The following DLGAP1 variants were observed in gnomAD, a reference collection of about 807,000 sequenced individuals.
DLGAP1 encodes disks large-associated protein 1.
In DLGAP1, 11 loss-of-function variants were observed where a neutral mutation model predicts 90.8. The ratio of observed to expected loss-of-function variants is 0.12; its 90% confidence interval spans 0.08 to 0.20. The LOEUF (loss-of-function observed/expected upper bound fraction) is 0.20. Ranked by LOEUF, DLGAP1 falls within the 10% of genes least tolerant of loss-of-function variation. DLGAP1 has a pLI of 1.00. For synonymous variants in DLGAP1, 558 were observed against 540.7 expected (o/e 1.03, Z -0.44); for missense variants, 1,050 against 1,333.8 (o/e 0.79, Z 3.31).
intron 1 of DLGAP1, among the ~76,000 whole-genome samples, chr18:4,365,910 A>T (rs991092216): frequency 2.0e-5 from 3 of 152,138 alleles, no homozygotes; most frequent in Non-Finnish European, 1.5e-5. Context: ...ATAGCTTGGC[A>T]ATTACTCATA....
intron 7 of DLGAP1, among the ~76,000 whole-genome samples, chr18:3,617,098 A>G (rs939249757): frequency 2.6e-5 from 4 of 152,284 alleles, no homozygotes; most frequent in African/African-American, 9.6e-5. Context: ...CTGAGCCAGA[A>G]CTACCCCGCC....
intron 3 of DLGAP1, among the ~76,000 whole-genome samples, chr18:3,923,615 T>C (rs922146431): frequency 2.0e-5 from 3 of 152,202 alleles, no homozygotes; most frequent in Non-Finnish European, 4.4e-5. Flanking sequence ...ATAAAAGTTT[T>C]CCCAACTTTG....
chr18:4,089,134 C>G (rs2075730461), intron 2 of DLGAP1, among the ~76,000 whole-genome samples: 1 of 151,090 alleles, frequency 6.6e-6, no homozygotes, highest in Non-Finnish European at 1.5e-5. Context: ...GTGCAAAAAT[C>G]TCAAGCATTC....
At chr18:4,368,358 T>G (rs963542762) in intron 1 of DLGAP1, among the ~76,000 whole-genome samples, 5 of 152,134 alleles carry the variant, frequency 3.3e-5, no homozygotes, top group African/African-American at 1.2e-4. Flanking sequence ...TCTGTGAAGG[T>G]AGGCTTTTTT....
At chr18:4,286,771 A>C (rs139119699) in intron 1 of DLGAP1, among the ~76,000 whole-genome samples, 1 of 152,310 alleles carries the variant, frequency 6.6e-6, no homozygotes, top group East Asian at 1.9e-4. Context: ...ACAGAAAATA[A>C]GCAAGACAAA....
chr18:4,298,472 A>G (rs2080038593), intron 1 of DLGAP1, among the ~76,000 whole-genome samples: 1 of 152,204 alleles, frequency 6.6e-6, no homozygotes, highest in African/African-American at 2.4e-5. Context: ...TGTCCTTTGT[A>G]GGGACATGGA....
intron 7 of DLGAP1, among the ~76,000 whole-genome samples, chr18:3,639,206 G>A (rs1785369): frequency 0.33 from 50,341 of 151,526 alleles, 11,107 homozygotes; most frequent in African/African-American, 0.63. Flanking sequence ...AAATACAAAA[G>A]TTAGCCAGGC....
chr18:3,690,097 T>TTA (rs2060840806), intron 7 of DLGAP1, among the ~76,000 whole-genome samples: 1 of 101,688 alleles, frequency 9.8e-6, no homozygotes, highest in Non-Finnish European at 2.0e-5. Flanking sequence ...GGGTGAGGTT[T>TTA]TTTTTTTTTT....
chr18:4,264,619 G>A (rs759831571), intron 1 of DLGAP1: 2 of 152,226 alleles, frequency 1.3e-5, no homozygotes, highest in African/African-American at 2.4e-5. Flanking sequence ...ATCCCGACAG[G>A]ACTTGTTACT....
chr18:3,914,918 G>A (rs1899427), intron 3 of DLGAP1, among the ~76,000 whole-genome samples: 84,848 of 151,850 alleles, frequency 0.56, 23,844 homozygotes, highest in African/African-American at 0.6. Context: ...TAATTTTTGT[G>A]TTTTTGTAGA....
At chr18:4,189,107 A>T (rs2144718280) in intron 1 of DLGAP1, among the ~76,000 whole-genome samples, 1 of 152,292 alleles carries the variant, frequency 6.6e-6, no homozygotes, top group East Asian at 1.9e-4. Flanking sequence ...TACCATCAGA[A>T]ATAAGAATTT....
Position 3,947,733 on chromosome 18 carries a change from T to A in DLGAP1, c.-73+57383A>T, listed in dbSNP as rs144865377. On this transcript the variant is annotated intron_variant, in intron 3 of 12. Coordinates refer to ENST00000315677, the MANE Select transcript of DLGAP1 (RefSeq NM_004746.4). ...AGAAAAGAACTTGCCCTATATCACA[T>A]TTCCTTACTAGCTAATCTTACCGGT... 7.2e-4 allele frequency among the ~76,000 whole-genome samples: 110 copies of A among 152,308 alleles called. 1 individual carries two copies. Among genetic ancestry groups the A allele is most frequent in the African/African-American group, 2.5e-3 (105 of 41,576 alleles).
At position 4,058,392 on chromosome 18, in the gene DLGAP1, C is replaced by A. The variant is rs141622345; in HGVS notation, c.-158-53191G>T. Among the ~76,000 whole-genome samples, 301 of 152,350 alleles carry A rather than the reference C, an allele frequency of 2.0e-3. 3 individuals are homozygous for A. Among genetic ancestry groups the A allele is most frequent in the Non-Finnish European group, 2.1e-3 (141 of 68,034 alleles). On this transcript the variant is annotated intron_variant, in intron 2 of 12. Transcript: ENST00000315677. ...ACAGACACTAATTGGAACCCTAACTCTGCCAGCTCCTTATGATTTACCATA... is the reference window on the plus strand; with the variant it reads ...ACAGACACTAATTGGAACCCTAACTATGCCAGCTCCTTATGATTTACCATA...
chr18:3,810,627 T>A (rs539943082), intron 5 of DLGAP1, among the ~76,000 whole-genome samples: 1 of 152,276 alleles, frequency 6.6e-6, no homozygotes, highest in Admixed American at 6.5e-5. Context: ...TATAGGGATC[T>A]TTTTTCTCAT....
intron 7 of DLGAP1, among the ~76,000 whole-genome samples, chr18:3,686,936 G>A (rs533567291): frequency 6.0e-4 from 91 of 152,314 alleles, no homozygotes; most frequent in African/African-American, 2.1e-3. Flanking sequence ...ATTAGGGTGG[G>A]CCTAATGTCA....
At chr18:4,075,237 G>T (rs2075505920) in intron 2 of DLGAP1, among the ~76,000 whole-genome samples, 1 of 152,176 alleles carries the variant, frequency 6.6e-6, no homozygotes, top group African/African-American at 2.4e-5. Context: ...ATGCTATCTT[G>T]TGCTGGTGAG....
chr18:4,110,908 G>C (rs1290481843), intron 2 of DLGAP1, among the ~76,000 whole-genome samples: 2 of 152,166 alleles, frequency 1.3e-5, no homozygotes, highest in African/African-American at 4.8e-5. Flanking sequence ...CTGGCCAACA[G>C]CACCATGCTC....
At chr18:3,799,544 A>G (rs548851923) in intron 5 of DLGAP1, among the ~76,000 whole-genome samples, 64 of 149,366 alleles carry the variant, frequency 4.3e-4, no homozygotes, top group Non-Finnish European at 7.1e-4. Flanking sequence ...CATTGTTAAT[A>G]TTTTAAAATT....
chr18:3,729,159 C>T lies in DLGAP1; in HGVS notation c.1567G>A (p.Val523Ile), dbSNP rs2062313029. 4.3e-6 allele frequency: 7 copies of T among 1,612,806 alleles called. No homozygotes were observed. The highest frequency in any genetic ancestry group is 5.9e-6 in the Non-Finnish European group (7 of 1,179,682). ...CCCGTGCTGCTCTGGATGGTCCTAA[C>T]GGTGGTGGTGGTGCGCGGCGGCGAG... ...SSSPPRTTTT[V>I]RTIQSSTVSS... The change falls in exon 7 of 13, where the codon GTT becomes ATT. Residue 523 changes from valine (V) to isoleucine (I), a missense_variant. Transcript: ENST00000315677. The surrounding 1 kb of genome is among the most constrained non-coding windows in gnomAD (Gnocchi z 6.2).
Sources: allele counts gnomAD v4.1 joint callset (sites outside exome capture counted in the v4.1 genomes callset), GRCh38; gene constraint gnomAD v4.1.1; non-coding constraint Gnocchi (gnomAD v3.1); transcripts MANE v1.5; gene names NCBI Gene and HGNC (gene_info 2026-07-23, HGNC 2026-07-21).